CACNA1B: variants seen among roughly 807,000 people sequenced by gnomAD.
CACNA1B encodes voltage-dependent N-type calcium channel subunit alpha-1B.
A neutral mutation model predicts 247.2 loss-of-function variants in CACNA1B; 70 were observed. The ratio of observed to expected loss-of-function variants is 0.28; its 90% confidence interval spans 0.23 to 0.35. The LOEUF is 0.35. Ranked by LOEUF, CACNA1B falls within the 10% of genes least tolerant of loss-of-function variation. The probability of loss-of-function intolerance (pLI) is 1.00; values close to 1 mark genes in which losing one functional copy is unlikely to be tolerated. For synonymous variants in CACNA1B, 1,231 were observed against 1,294.4 expected (o/e 0.95, Z 1.05); for missense variants, 2,367 against 3,197.4 (o/e 0.74, Z 6.26).
At chr9:138,000,993 T>G (rs188639933) in intron 15 of CACNA1B, among the ~76,000 whole-genome samples, 1 of 152,216 alleles carries the variant, frequency 6.6e-6, no homozygotes, top group Non-Finnish European at 1.5e-5. Context: ...TTTTACAGTC[T>G]TGTTATTTTG....
intron 36 of CACNA1B, among the ~76,000 whole-genome samples, chr9:138,078,579 T>C (rs894209967): frequency 7.2e-5 from 11 of 152,294 alleles, no homozygotes; most frequent in South Asian, 4.1e-4. Context: ...TCCCAGCCAG[T>C]GTACGGGGAA....
chr9:138,105,909 C>T (rs1961408907), intron 39 of CACNA1B, 102 bp downstream of exon 39: 1 of 703,178 alleles, frequency 1.4e-6, no homozygotes, highest in Non-Finnish European at 2.5e-6. Flanking sequence ...GGGTGAGGGG[C>T]CAGCTGTGTC....
intron 31 of CACNA1B, among the ~76,000 whole-genome samples, chr9:138,062,717 C>G (rs888331122): frequency 2.6e-5 from 4 of 152,224 alleles, no homozygotes; most frequent in African/African-American, 9.7e-5. Context: ...CAGGACTTTA[C>G]CCAGTATCCT....
intron 15 of CACNA1B, among the ~76,000 whole-genome samples, chr9:137,998,779 A>T (rs62591430): frequency 0.026 from 3,986 of 152,346 alleles, 71 homozygotes; most frequent in Non-Finnish European, 0.042. Context: ...AAACAGGCAG[A>T]ATTACAAGGA....
intron 20 of CACNA1B, among the ~76,000 whole-genome samples, chr9:138,041,750 GTTAA>G (rs1959125967): frequency 6.6e-6 from 1 of 151,948 alleles, no homozygotes; most frequent in Admixed American, 6.6e-5. Flanking sequence ...ATTTACTTAA[GTTAA>G]TTAATTATTT....
At chr9:138,049,159 C>A in intron 23 of CACNA1B, 50 bp from the exon 24 acceptor site, 1 of 1,256,576 alleles carries the variant, frequency 8.0e-7, no homozygotes, top group Non-Finnish European at 1.2e-6. Context: ...CTGGCCTCTG[C>A]CTGTCTTTTC....
chr9:138,123,264 G>A lies in CACNA1B; in HGVS notation c.*1265G>A, dbSNP rs1277113402. On this transcript the variant is annotated 3_prime_UTR_variant, in exon 47 of 47. Transcript: ENST00000371372. ...AACTCAGAGCAAGTGACCGAGGGAG[G>A]ACACGGCTCCTGCCACTGAGGCCGG... 1 of 152,270 alleles carries A rather than the reference G, an allele frequency of 6.6e-6. No individual in the cohort carries two copies. Among genetic ancestry groups the A allele is most frequent in the African/African-American group, 2.4e-5 (1 of 41,452 alleles). The allele number at this position is 152,270 out of a possible 1,614,324, so 9.4% of individuals were successfully genotyped here.
At chr9:138,084,654 G>A (rs1286785327) in intron 36 of CACNA1B, among the ~76,000 whole-genome samples, 1 of 151,198 alleles carries the variant, frequency 6.6e-6, no homozygotes, top group East Asian at 2.0e-4. Context: ...CAAGACACTT[G>A]AAAAAGCAAG....
In CACNA1B at chr9:138,084,085, A is replaced by G. The variant is rs1371980563; in HGVS notation, c.5094+5827A>G. On this transcript the variant is annotated intron_variant, in intron 36 of 46. Transcript: ENST00000371372. Reference sequence around the variant, plus strand: ...CCACCCCGCCCAGGAGTAGAATCACAGCTATAATCTCGCCCCCTGGGCCTG... The same window carrying G: ...CCACCCCGCCCAGGAGTAGAATCACGGCTATAATCTCGCCCCCTGGGCCTG... 2.7e-5 allele frequency among the ~76,000 whole-genome samples: 4 copies of G among 150,502 alleles called. 1 individual carries two copies. The highest frequency in any genetic ancestry group is 9.9e-5 in the African/African-American group (4 of 40,534).
At chr9:137,941,888 T>C (rs1436992022) in intron 6 of CACNA1B, among the ~76,000 whole-genome samples, 1 of 152,152 alleles carries the variant, frequency 6.6e-6, no homozygotes, top group African/African-American at 2.4e-5. Context: ...GAAGATAACA[T>C]TGGAAAAACC....
Position 138,050,121 on chromosome 9 carries a change from C to T in CACNA1B, c.3710+806C>T. 7.8e-7 allele frequency: 1 copy of T among 1,281,456 alleles called. No individual in the cohort carries two copies. Among genetic ancestry groups the T allele is most frequent in the Non-Finnish European group, 1.0e-6 (1 of 981,172 alleles). 79.4% of individuals were successfully genotyped at this position (1,281,456 alleles called of 1,614,324 possible). ...TCTCTCCCCCACACGCTGCCCCTGA[C>T]ATCACAGCATTCCAGCAGCCCCTCT... On this transcript the variant is annotated intron_variant, in intron 24 of 46. Coordinates refer to ENST00000371372, the MANE Select transcript of CACNA1B (RefSeq NM_000718.4). The surrounding 1 kb of genome is among the most constrained non-coding windows in gnomAD (Gnocchi z 5.2).
At chr9:138,114,957 C>A (rs951633000) in intron 41 of CACNA1B, among the ~76,000 whole-genome samples, 2 of 152,194 alleles carry the variant, frequency 1.3e-5, no homozygotes, top group African/African-American at 4.8e-5. Flanking sequence ...TCGTCCTTCC[C>A]ACACAGCCGT....
At chr9:138,000,300 G>T (rs574993354) in intron 15 of CACNA1B, among the ~76,000 whole-genome samples, 12 of 151,882 alleles carry the variant, frequency 7.9e-5, no homozygotes, top group South Asian at 2.1e-4. Flanking sequence ...GGGTTTCACC[G>T]TGTTAGCCAG....
Position 137,913,373 on chromosome 9 carries a change from C to A in CACNA1B, c.622+102C>A. ...TGGCCATGGTTTGGCTTTGGTGACT[C>A]TGAGCTTGCCACTTTTGACCCCAGG... On this transcript the variant is annotated intron_variant, in intron 4 of 46. Transcript: ENST00000371372. The surrounding 1 kb of genome is among the most constrained non-coding windows in gnomAD (Gnocchi z 5.2). 4.6e-6 allele frequency: 4 copies of A among 874,076 alleles called. No individual in the cohort carries two copies. The highest frequency in any genetic ancestry group is 7.2e-6 in the Non-Finnish European group (4 of 558,568). 54.1% of individuals were successfully genotyped at this position (874,076 alleles called of 1,614,324 possible).
At chr9:137,930,875 G>A (rs1027200862) in intron 6 of CACNA1B, among the ~76,000 whole-genome samples, 1 of 151,470 alleles carries the variant, frequency 6.6e-6, no homozygotes, top group Non-Finnish European at 1.5e-5. Context: ...TTTACTGGGA[G>A]GTTTGCTTTA....
Position 138,086,541 on chromosome 9 carries a change from GA to G in CACNA1B, c.5094+8291del, listed in dbSNP as rs942564259. 2.4e-4 allele frequency among the ~76,000 whole-genome samples: 36 copies of G among 150,476 alleles called. 1 individual carries two copies. Among genetic ancestry groups the G allele is most frequent in the Non-Finnish European group, 3.7e-4 (25 of 67,892 alleles). ...ACATACCAAGACCCCATCTCTTTAA[GA>G]AAAAAAATTTTAGGGCAAGGAATGT... On this transcript the variant is annotated intron_variant, in intron 36 of 46. Coordinates refer to ENST00000371372, the MANE Select transcript of CACNA1B (RefSeq NM_000718.4).
At chr9:138,092,893 G>T (rs1366908374) in intron 36 of CACNA1B, among the ~76,000 whole-genome samples, 1 of 152,202 alleles carries the variant, frequency 6.6e-6, no homozygotes, top group East Asian at 1.9e-4. Flanking sequence ...CTCCTGCACA[G>T]CCAGTGAAAT....
chr9:137,927,380 G>A (rs764458943), intron 6 of CACNA1B, among the ~76,000 whole-genome samples: 36 of 151,914 alleles, frequency 2.4e-4, no homozygotes, highest in Non-Finnish European at 4.6e-4. Context: ...CTGCCATTAC[G>A]CCTGTCTAAT....
At position 138,054,545 on chromosome 9, in the gene CACNA1B, C is replaced by T. The variant is rs1198529324; in HGVS notation, c.3968+539C>T. Reference sequence around the variant, plus strand: ...CCACAGTGTCTTCCTGCCCACGCGGCAGCGTCCCAGCTGCTTCTGTGTGAA... The same window carrying T: ...CCACAGTGTCTTCCTGCCCACGCGGTAGCGTCCCAGCTGCTTCTGTGTGAA... On this transcript the variant is annotated intron_variant, in intron 26 of 46. Transcript: ENST00000371372. The surrounding 1 kb of genome is among the most constrained non-coding windows in gnomAD (Gnocchi z 4.6). 6.6e-6 allele frequency among the ~76,000 whole-genome samples: 1 copy of T among 152,258 alleles called. No homozygotes were observed. The highest frequency in any genetic ancestry group is 2.4e-5 in the African/African-American group (1 of 41,468).
Sources: allele counts gnomAD v4.1 joint callset (sites outside exome capture counted in the v4.1 genomes callset), GRCh38; gene constraint gnomAD v4.1.1; non-coding constraint Gnocchi (gnomAD v3.1); transcripts MANE v1.5; gene names NCBI Gene and HGNC (gene_info 2026-07-23, HGNC 2026-07-21).